TIA1: variants seen among roughly 807,000 people sequenced by gnomAD.
The protein encoded by TIA1 is cytotoxic granule associated RNA binding protein TIA1.
Under a neutral mutation model 65.9 loss-of-function variants are expected in TIA1, and 23 were observed. The ratio of observed to expected loss-of-function variants is 0.35; its 90% confidence interval spans 0.25 to 0.49. The LOEUF is 0.49. Ranked by LOEUF, TIA1 falls within the 20% of genes least tolerant of loss-of-function variation. The pLI, the probability that TIA1 is intolerant of heterozygous loss-of-function variation, is 0.98. For synonymous variants in TIA1, 147 were observed against 149.4 expected (o/e 0.98, Z 0.12); for missense variants, 371 against 477.9 (o/e 0.78, Z 2.09).
At chr2:70,248,762 A>T, upstream of TIA1, 1 of 393,574 alleles carries the variant, frequency 2.5e-6, no homozygotes, top group Non-Finnish European at 4.6e-6. Context: ...CCGCTCTTCC[A>T]CCCGACGCGA....
chr2:70,212,948 C>T (rs572347540), intron 12 of TIA1, 103 bp from the exon 13 acceptor site: 21 of 748,000 alleles, frequency 2.8e-5, no homozygotes, highest in Admixed American at 4.3e-5. Context: ...AAATGGGAAA[C>T]ATACTTTTTC....
chr2:70,216,622 ATAT>A (rs1413467500), intron 8 of TIA1, 123 bp from the exon 9 acceptor site: 1 of 1,290,620 alleles, frequency 7.7e-7, no homozygotes, highest in Non-Finnish European at 1.1e-6. Flanking sequence ...TATATTACAC[ATAT>A]TATACTTCAG....
At chr2:70,236,268 G>C (rs1363135471) in intron 1 of TIA1, 93 bp from the exon 2 acceptor site, 1 of 749,068 alleles carries the variant, frequency 1.3e-6, no homozygotes, top group Non-Finnish European at 2.2e-6. Flanking sequence ...GCACGATCTC[G>C]GCTCACCACA....
In TIA1 at chr2:70,248,584, G is replaced by A. The variant is rs182334340; in HGVS notation, c.-154C>T. On this transcript the variant is annotated 5_prime_UTR_variant, in exon 1 of 13. Coordinates refer to ENST00000433529, the MANE Select transcript of TIA1 (RefSeq NM_022173.4). ...CCTCCGGCGGCAATTACACTAAACC[G>A]CCCGGCCCAGCGGGAACAATGAAAC... 8.5e-6 allele frequency: 9 copies of A among 1,062,540 alleles called. No individual in the cohort carries two copies. The highest frequency in any genetic ancestry group is 8.2e-5 in the Admixed American group (4 of 48,982). The allele number at this position is 1,062,540 out of a possible 1,614,324, so 65.8% of individuals were successfully genotyped here.
chr2:70,211,314 T>C lies in TIA1; in HGVS notation c.*1405A>G, dbSNP rs1425647269. 1 of 152,046 alleles carries C rather than the reference T, an allele frequency of 6.6e-6. No individual in the cohort carries two copies. Among genetic ancestry groups the C allele is most frequent in the Non-Finnish European group, 1.5e-5 (1 of 67,998 alleles). 9.4% of individuals were successfully genotyped at this position (152,046 alleles called of 1,614,324 possible). On this transcript the variant is annotated 3_prime_UTR_variant, in exon 13 of 13. Coordinates refer to ENST00000433529, the MANE Select transcript of TIA1 (RefSeq NM_022173.4). The stretch of plus-strand genomic sequence containing the variant: ...CTTAATGCTTGGAGCCACCCCAAAA[T>C]AATAAAATCGGGAACTCCAGGAAAA...
intron 2 of TIA1, among the ~76,000 whole-genome samples, chr2:70,232,913 G>A (rs1160744183): frequency 6.6e-6 from 1 of 151,994 alleles, no homozygotes; most frequent in Non-Finnish European, 1.5e-5. Flanking sequence ...TTCCAGGTAG[G>A]TGAGGCTATG....
chr2:70,235,422 A>T (rs902897828), intron 2 of TIA1, among the ~76,000 whole-genome samples: 8 of 152,280 alleles, frequency 5.3e-5, no homozygotes, highest in Admixed American at 4.6e-4. Flanking sequence ...TCTCAAAAAA[A>T]AATTTAAAGT....
At chr2:70,215,849 A>T (rs1678383795) in intron 10 of TIA1, among the ~76,000 whole-genome samples, 1 of 152,102 alleles carries the variant, frequency 6.6e-6, no homozygotes, top group African/African-American at 2.4e-5. Context: ...CCTGGGTTCA[A>T]GTGATTCTCC....
intron 7 of TIA1, among the ~76,000 whole-genome samples, chr2:70,222,148 C>CAAACA (rs1558801306): frequency 1.4e-5 from 2 of 147,902 alleles, no homozygotes; most frequent in African/African-American, 5.0e-5. Context: ...AACAAACAAA[C>CAAACA]AAAAAAAAAA....
At chr2:70,243,690 T>C (rs1039123691) in intron 1 of TIA1, among the ~76,000 whole-genome samples, 21 of 152,230 alleles carry the variant, frequency 1.4e-4, no homozygotes, top group African/African-American at 4.8e-4. Flanking sequence ...ACTTATATTT[T>C]GCAACAAACT....
intron 3 of TIA1, among the ~76,000 whole-genome samples, chr2:70,230,101 G>A (rs1198506792): frequency 6.6e-6 from 1 of 151,754 alleles, no homozygotes; most frequent in African/African-American, 2.4e-5. Context: ...AAATTAGTCA[G>A]GCGTGGTGGC....
At chr2:70,227,641 T>G in intron 6 of TIA1, 94 bp downstream of exon 6, 1 of 793,430 alleles carries the variant, frequency 1.3e-6, no homozygotes, top group Non-Finnish European at 2.0e-6. Flanking sequence ...GTTATAAAAT[T>G]AATGTACAAA....
At chr2:70,213,345 CTTT>C (rs746531756) in intron 12 of TIA1, among the ~76,000 whole-genome samples, 10 of 137,266 alleles carry the variant, frequency 7.3e-5, no homozygotes, top group African/African-American at 7.9e-5. Context: ...CTTTTCTTTT[CTTT>C]TTTTTTTTTT....
Position 70,236,676 on chromosome 2 carries a change from G to GAGTGT in TIA1, c.27-506_27-502dup, listed in dbSNP as rs1432876607. Among the ~76,000 whole-genome samples the GAGTGT allele has an allele frequency of 2.6e-5, 4 of 152,004 alleles. No individual in the cohort carries two copies. The East Asian group carries it at 5.8e-4, about 22-fold the overall frequency. On this transcript the variant is annotated intron_variant, in intron 1 of 12. Coordinates refer to ENST00000433529, the MANE Select transcript of TIA1 (RefSeq NM_022173.4). ...AAGGTCTTCTGGGTTGCCCAGACTA[G>GAGTGT]AGTGTAGTGGCGCAATCTTGGCTCA...
At chr2:70,225,694 G>T (rs1420277323) in intron 6 of TIA1, among the ~76,000 whole-genome samples, 1 of 152,152 alleles carries the variant, frequency 6.6e-6, no homozygotes, top group Non-Finnish European at 1.5e-5. Flanking sequence ...ACAAAGACGT[G>T]GTGGTGAAAA....
chr2:70,216,806 C>T lies in TIA1; in HGVS notation c.583+80G>A, dbSNP rs761930288. The T allele has an allele frequency of 1.5e-5, 24 of 1,609,580 alleles. No homozygotes were observed. In the Middle Eastern group the frequency reaches 6.6e-4, roughly 44 times the overall value. ...CTCATCTATTTCTGCAATAAGTCTC[C>T]GGGAACAGCTCTAACATTTAAAATC... On this transcript the variant is annotated intron_variant, in intron 8 of 12. Coordinates refer to ENST00000433529, the MANE Select transcript of TIA1 (RefSeq NM_022173.4).
At position 70,214,251 on chromosome 2, in the gene TIA1, G is replaced by A. The variant is rs1055324721; in HGVS notation, c.1034+98C>T. ...AAGGCTATAGTTACGCTTTACATAA[G>A]AGGCCCTATTACCCACTAATTCTTA... On this transcript the variant is annotated intron_variant, in intron 12 of 12. Transcript: ENST00000433529. 7.6e-6 allele frequency: 10 copies of A among 1,311,464 alleles called. No homozygotes were observed. In the Admixed American group the frequency reaches 1.4e-4, roughly 19 times the overall value. 81.2% of individuals were successfully genotyped at this position (1,311,464 alleles called of 1,614,324 possible).
rs5832003 is a variant in TIA1 at position 70,230,652 on chromosome 2, C to CAA, written c.222+102_222+103dup. The CAA allele has an allele frequency of 0.23, 150,485 of 667,290 alleles. 7,509 individuals carry two copies. The highest frequency in any genetic ancestry group is 0.34 in the Admixed American group (7,583 of 22,124). The allele number at this position is 667,290 out of a possible 1,614,324, so 41.3% of individuals were successfully genotyped here. On this transcript the variant is annotated intron_variant, in intron 3 of 12. Coordinates refer to ENST00000433529, the MANE Select transcript of TIA1 (RefSeq NM_022173.4). ...GGGCAACAAGGGCAAAATTTCATCT[C>CAA]AAAAAAAAAAAAAAAGTGTTTAATG... is the stretch of plus-strand genomic sequence containing the variant.
intron 10 of TIA1, 53 bp downstream of exon 10, chr2:70,216,155 G>T: frequency 2.3e-6 from 3 of 1,295,212 alleles, no homozygotes; most frequent in Non-Finnish European, 2.1e-6. Context: ...TTTATTTTCT[G>T]GTTTTCCAGT....
Sources: gnomAD v4.1 joint callset for allele counts (sites outside exome capture counted in the v4.1 genomes callset) on GRCh38, gnomAD v4.1.1 for gene constraint, MANE v1.5 for transcripts, NCBI Gene and HGNC (gene_info 2026-07-23, HGNC 2026-07-21) for gene names.